The following LARP4 variants were observed in gnomAD, a reference collection of about 807,000 sequenced individuals.
LARP4 encodes the protein la-related protein 4.
Under a neutral mutation model 92.9 loss-of-function variants are expected in LARP4, and 29 were observed. The observed-to-expected ratio is 0.31, with a 90% CI of 0.23 to 0.43. The LOEUF is 0.43. Among genes scored for constraint, LARP4 ranks in the 20% least tolerant of loss-of-function variants. The pLI is 1.00. For synonymous variants in LARP4, 279 were observed against 284.1 expected (o/e 0.98, Z 0.18); for missense variants, 732 against 860.0 (o/e 0.85, Z 1.86).
At chr12:50,414,796 TAACTATTCACCTATAGGTG>T (rs1946489230) in intron 1 of LARP4, among the ~76,000 whole-genome samples, 1 of 152,258 alleles carries the variant, frequency 6.6e-6, no homozygotes, top group African/African-American at 2.4e-5. Flanking sequence ...AGACCATATT[TAACTATTCACCTATAGGTG>T]AACATTTAGG....
chr12:50,454,035 T>G (rs949125100), intron 9 of LARP4, among the ~76,000 whole-genome samples: 2 of 152,186 alleles, frequency 1.3e-5, no homozygotes, highest in African/African-American at 4.8e-5. Context: ...CCATAAAATT[T>G]GCTGAGTGAA....
chr12:50,473,950 T>C (rs746554651), intron 14 of LARP4, 49 bp from the exon 15 acceptor site: 1 of 1,508,552 alleles, frequency 6.6e-7, no homozygotes, highest in Non-Finnish European at 9.1e-7. Flanking sequence ...GTTGCTCAAC[T>C]GTTCCTATAT....
chr12:50,436,141 A>G (rs987869677), intron 5 of LARP4, among the ~76,000 whole-genome samples: 63 of 128,758 alleles, frequency 4.9e-4, no homozygotes, highest in East Asian at 1.8e-3. Flanking sequence ...GTGTGTGTGT[A>G]TATATCCCGC....
At chr12:50,441,973 C>T (rs1951278413) in intron 8 of LARP4, among the ~76,000 whole-genome samples, 1 of 152,174 alleles carries the variant, frequency 6.6e-6, no homozygotes, top group Non-Finnish European at 1.5e-5. Context: ...CTGCTTTAAC[C>T]CGGGAGGCGT....
intron 4 of LARP4, 23 bp from the exon 5 acceptor site, chr12:50,435,465 A>G (rs1297859986): frequency 2.4e-6 from 3 of 1,264,438 alleles, no homozygotes; most frequent in African/African-American, 1.6e-5. Flanking sequence ...TGCTTGTTTT[A>G]TAGGACTATT....
chr12:50,442,279 A>C (rs147334560), intron 8 of LARP4, among the ~76,000 whole-genome samples: 11 of 152,252 alleles, frequency 7.2e-5, no homozygotes, highest in Admixed American at 6.5e-4. Context: ...AGTACTTTCA[A>C]CCTCATCTCA....
intron 1 of LARP4, among the ~76,000 whole-genome samples, chr12:50,418,179 TAGAG>T (rs1324333089): frequency 6.6e-6 from 1 of 151,964 alleles, no homozygotes; most frequent in Non-Finnish European, 1.5e-5. Context: ...GTGTTTTTAT[TAGAG>T]AGTGTCAGTG....
chr12:50,428,022 G>GGAAGAC, intron 2 of LARP4, 113 bp downstream of exon 2: 2 of 615,172 alleles, frequency 3.3e-6, no homozygotes, highest in Non-Finnish European at 4.9e-6. Context: ...TTGAGACAGA[G>GGAAGAC]TCTTCCTCTG....
intron 1 of LARP4, among the ~76,000 whole-genome samples, chr12:50,423,286 A>G (rs1948151959): frequency 2.6e-5 from 4 of 151,878 alleles, no homozygotes; most frequent in Admixed American, 2.6e-4. Context: ...TTGTAATTTT[A>G]TGTTTCTTCA....
At chr12:50,401,417 G>A in intron 1 of LARP4, 1 of 220,080 alleles carries the variant, frequency 4.5e-6, no homozygotes, top group Non-Finnish European at 9.1e-6. Flanking sequence ...GCGGCCTCGC[G>A]GGGCCCCTCT....
chr12:50,406,859 C>CA (rs1944938762), intron 1 of LARP4, among the ~76,000 whole-genome samples: 1 of 150,584 alleles, frequency 6.6e-6, no homozygotes, highest in African/African-American at 2.4e-5. Flanking sequence ...GCTGGGACTA[C>CA]AGACGTACGC....
chr12:50,437,058 CTTA>C (rs988320700), intron 5 of LARP4, among the ~76,000 whole-genome samples: 1 of 152,166 alleles, frequency 6.6e-6, no homozygotes, highest in African/African-American at 2.4e-5. Flanking sequence ...GAACTTGGCA[CTTA>C]TTATACCTAT....
intron 5 of LARP4, 44 bp downstream of exon 5, chr12:50,435,668 T>C: frequency 7.1e-7 from 1 of 1,414,674 alleles, no homozygotes; most frequent in Non-Finnish European, 9.8e-7. Context: ...TTTTTAAACG[T>C]AAAATGTTAT....
chr12:50,439,472 A>C (rs976775641), intron 6 of LARP4, among the ~76,000 whole-genome samples: 1 of 152,062 alleles, frequency 6.6e-6, no homozygotes, highest in South Asian at 2.1e-4. Flanking sequence ...GTACGATCAT[A>C]GTTCATTGCA....
Position 50,424,641 on chromosome 12 carries a change from A to C in LARP4, c.19-3121A>C, listed in dbSNP as rs531448722. On this transcript the variant is annotated intron_variant, in intron 1 of 15. Coordinates refer to ENST00000398473, the MANE Select transcript of LARP4 (RefSeq NM_052879.5). The stretch of plus-strand genomic sequence containing the variant: ...CCAAAGTGCTGGGATTACAGGCGTG[A>C]GCCACCATGCCCAGCCAACCCTGTC... Among the ~76,000 whole-genome samples the C allele has an allele frequency of 2.1e-3, 312 of 152,052 alleles. 1 individual carries two copies. Among genetic ancestry groups the C allele is most frequent in the African/African-American group, 6.6e-3 (273 of 41,522 alleles).
rs767998240 is a variant in LARP4, at chr12:50,461,323, A to G, written c.1310A>G (p.Gln437Arg). The change falls in exon 11 of 16, where the codon CAG becomes CGG. Residue 437 changes from glutamine (Q) to arginine (R), a missense_variant. By Grantham distance (43) the Gln-to-Arg change is conservative (BLOSUM62 1). Coordinates refer to ENST00000398473, the MANE Select transcript of LARP4 (RefSeq NM_052879.5). ...GAGACTTCCACTTTGCAGGTGGAAC[A>G]GAATGGGGACTATGGTAGGGGCAGG... ...QKETSTLQVEQNGDYGRGRRT... is the reference protein window; with the variant it reads ...QKETSTLQVERNGDYGRGRRT... The G allele has an allele frequency of 1.9e-6, 3 of 1,614,132 alleles. No homozygotes were observed. The highest frequency in any genetic ancestry group is 1.1e-5 in the South Asian group (1 of 91,082).
At chr12:50,444,770 C>T (rs1951746039) in intron 8 of LARP4, among the ~76,000 whole-genome samples, 1 of 152,190 alleles carries the variant, frequency 6.6e-6, no homozygotes, top group Non-Finnish European at 1.5e-5. Flanking sequence ...GGCAGTGCTT[C>T]ATTCTGTTTC....
intron 5 of LARP4, among the ~76,000 whole-genome samples, chr12:50,436,326 C>G (rs777298856): frequency 1.3e-5 from 2 of 151,918 alleles, no homozygotes; most frequent in African/African-American, 2.4e-5. Context: ...CTATATACAG[C>G]TTCTGTAATA....
In LARP4 at chr12:50,426,681, T is replaced by TG. The variant is rs200197282; in HGVS notation, c.19-1077dup. On this transcript the variant is annotated intron_variant, in intron 1 of 15. Transcript: ENST00000398473. The stretch of plus-strand genomic sequence containing the variant: ...TAGGCATGGAACAGGGCATTATGTT[T>TG]GGGGTGTGTGTGTGTGTGTGTGTGT... Among the ~76,000 whole-genome samples the TG allele has an allele frequency of 1.9e-3, 204 of 109,358 alleles. 1 individual carries two copies. Among genetic ancestry groups the TG allele is most frequent in the African/African-American group, 7.2e-3 (176 of 24,548 alleles). 71.7% of individuals were successfully genotyped at this position (109,358 alleles called of 152,430 possible). A position where few individuals can be genotyped will look rare whatever the true frequency, so the allele number is the denominator to read the frequency against.
Sources: gnomAD v4.1 joint callset for allele counts (sites outside exome capture counted in the v4.1 genomes callset) on GRCh38, gnomAD v4.1.1 for gene constraint, MANE v1.5 for transcripts, NCBI Gene and HGNC (gene_info 2026-07-23, HGNC 2026-07-21) for gene names.